Variants in CDHR1 observed in about 807,000 individuals in gnomAD.
The protein encoded by CDHR1 is cadherin-related family member 1.
CDHR1 carries 61 observed loss-of-function variants against 72.1 expected under a neutral mutation model. The observed-to-expected ratio is 0.85, with a 90% CI of 0.69 to 1.05. CDHR1 has a LOEUF of 1.05. CDHR1 is among the 50% of genes least tolerant of loss of function. The pLI is 0.00. For missense variants in CDHR1, 1,186 were observed against 1,115.7 expected, an observed-to-expected ratio of 1.06 and a Z score of -0.90; for synonymous variants, 470 against 448.1, an observed-to-expected ratio of 1.05 and a Z score of -0.62.
At chr10:84,198,906 G>GAGT in intron 4 of CDHR1, 126 bp from the exon 5 acceptor site, 1 of 464,146 alleles carries the variant, frequency 2.2e-6, no homozygotes, top group African/African-American at 2.4e-5. Context: ...AGAAGGAAGA[G>GAGT]AGAGAGAGAG....
In CDHR1 at chr10:84,217,285, G is replaced by A; in HGVS notation, c.*2664G>A. 1.0e-6 allele frequency: 1 copy of A among 985,508 alleles called. No homozygotes were observed. Among genetic ancestry groups the A allele is most frequent in the Non-Finnish European group, 1.2e-6 (1 of 829,960 alleles). The allele number at this position is 985,508 out of a possible 1,614,324, so 61.0% of individuals were successfully genotyped here. On this transcript the variant is annotated 3_prime_UTR_variant, in exon 17 of 17. Coordinates refer to ENST00000623527, the MANE Select transcript of CDHR1 (RefSeq NM_033100.4). ...AGGGAAAGAGCTGGGAGGCAGGAAT[G>A]GCACACTGGGCAGGCTTGCCCATTC... is the stretch of plus-strand genomic sequence containing the variant.
Position 84,214,518 on chromosome 10 carries a change from C to A in CDHR1, c.2477C>A (p.Pro826Gln). 6.2e-7 allele frequency: 1 copy of A among 1,604,210 alleles called. No individual in the cohort carries two copies. The highest frequency in any genetic ancestry group is 8.5e-7 in the Non-Finnish European group (1 of 1,179,664). ...CTCACTCCGCAGCCGACCCAACCCC[C>A]GCCAAAACCCAAAACTATGGGAAGC... ...GSLTPQPTQP[P>Q]PKPKTMGSPV... Residue 826 changes from proline to glutamine, a missense_variant, in exon 17 of 17, where the codon CCG becomes CAG. Physicochemically the swap from Pro to Gln is moderately conservative, Grantham distance 76. Transcript: ENST00000623527.
chr10:84,212,282 A>G lies in CDHR1; in HGVS notation c.1657A>G (p.Met553Val), dbSNP rs756761002. The change falls in exon 15 of 17, where the codon ATG becomes GTG. Residue 553 changes from methionine (M) to valine (V), a missense_variant. Transcript: ENST00000623527. ...RYNFYVKAED[M>V]EGKYSVAEVF... ...CAACTTCTATGTGAAGGCAGAGGAC[A>G]TGGAAGGCAAGTACAGCGTAGCTGA... The G allele has an allele frequency of 6.2e-6, 10 of 1,614,144 alleles. No homozygotes were observed. Among genetic ancestry groups the G allele is most frequent in the African/African-American group, 4.0e-5 (3 of 74,950 alleles).
At chr10:84,200,561 C>A in intron 5 of CDHR1, 40 bp from the exon 6 acceptor site, 1 of 1,434,462 alleles carries the variant, frequency 7.0e-7, no homozygotes, top group Non-Finnish European at 9.7e-7. Flanking sequence ...AGAATGCTGT[C>A]ACTGTCTCTG....
chr10:84,216,845 C>T lies in CDHR1; in HGVS notation c.*2224C>T. The T allele has an allele frequency of 3.0e-6, 3 of 985,508 alleles. No individual in the cohort carries two copies. The highest frequency in any genetic ancestry group is 3.6e-6 in the Non-Finnish European group (3 of 829,972). 61.0% of individuals were successfully genotyped at this position (985,508 alleles called of 1,614,324 possible). A position where few individuals can be genotyped will look rare whatever the true frequency, so the allele number is the denominator to read the frequency against. ...CCACTCTCCCACCCTACCAGTGCAG[C>T]CCGGCAAGGGCAGGAATTGGGAGGC... On this transcript the variant is annotated 3_prime_UTR_variant, in exon 17 of 17. Coordinates refer to ENST00000623527, the MANE Select transcript of CDHR1 (RefSeq NM_033100.4).
intron 1 of CDHR1, 131 bp from the exon 2 acceptor site, chr10:84,195,363 G>A: frequency 1.2e-6 from 1 of 834,828 alleles, no homozygotes; most frequent in South Asian, 1.4e-5. Context: ...CGGTGCACTT[G>A]GGTTGGGGAG....
At chr10:84,213,040 C>T (rs773118399) in intron 15 of CDHR1, 51 bp from the exon 16 acceptor site, 3 of 1,613,484 alleles carry the variant, frequency 1.9e-6, no homozygotes, top group South Asian at 1.1e-5. Context: ...AGCCAGAGTA[C>T]ACAAGGATTG....
In CDHR1 at chr10:84,215,058, T is replaced by G. The variant is rs1384528619; in HGVS notation, c.*437T>G. The G allele has an allele frequency of 2.8e-6, 3 of 1,068,144 alleles. No homozygotes were observed. The allele number at this position is 1,068,144 out of a possible 1,614,324, so 66.2% of individuals were successfully genotyped here. On this transcript the variant is annotated 3_prime_UTR_variant, in exon 17 of 17. Transcript: ENST00000623527. ...TGACTAGAATCTGGATCCTGACGCC[T>G]GCAGCTGAGAGCAGGAGCAGGAAAA...
In CDHR1 at chr10:84,214,841, T is replaced by C; in HGVS notation, c.*220T>C. 2.0e-6 allele frequency: 3 copies of C among 1,466,750 alleles called. No individual in the cohort carries two copies. Among genetic ancestry groups the C allele is most frequent in the Admixed American group, 5.2e-5 (2 of 38,336 alleles). 90.9% of individuals were successfully genotyped at this position (1,466,750 alleles called of 1,614,324 possible). ...GGGCCTTGGGCAAGACATTGGGCTC[T>C]AGGATGCAATTGGCAAATACGTCCC... On this transcript the variant is annotated 3_prime_UTR_variant, in exon 17 of 17. Coordinates refer to ENST00000623527, the MANE Select transcript of CDHR1 (RefSeq NM_033100.4).
chr10:84,214,404 T>C lies in CDHR1; in HGVS notation c.2363T>C (p.Leu788Pro). 4 of 1,613,672 alleles carry C rather than the reference T, an allele frequency of 2.5e-6. No individual in the cohort carries two copies. Among genetic ancestry groups the C allele is most frequent in the Non-Finnish European group, 3.4e-6 (4 of 1,179,960 alleles). The change falls in exon 17 of 17, where the codon CTC becomes CCC. Residue 788 changes from leucine to proline, a missense_variant. Leu to Pro is a moderately conservative substitution (Grantham distance 98). Coordinates refer to ENST00000623527, the MANE Select transcript of CDHR1 (RefSeq NM_033100.4). Reference sequence around the variant, plus strand: ...AACAACAGCCCAGAAAGCTCTCTGCTCCCGAGAGCTCCGGCTCTCCCTCCA... The same window carrying C: ...AACAACAGCCCAGAAAGCTCTCTGCCCCCGAGAGCTCCGGCTCTCCCTCCA... ...CNNNSPESSL[L>P]PRAPALPPPP... is the part of the protein sequence containing the mutation.
downstream of CDHR1, chr10:84,219,451 C>T (rs1042425689): frequency 2.6e-5 from 27 of 1,040,892 alleles, no homozygotes; most frequent in Non-Finnish European, 6.5e-6. Context: ...GTCTCATGTG[C>T]ACCACCAAGC....
At chr10:84,205,259 G>A (rs1842203794) in intron 9 of CDHR1, among the ~76,000 whole-genome samples, 1 of 152,058 alleles carries the variant, frequency 6.6e-6, no homozygotes, top group African/African-American at 2.4e-5. Flanking sequence ...ACATGCCTGT[G>A]CATACTCACT....
At chr10:84,202,190 A>T (rs74145722) in intron 7 of CDHR1, among the ~76,000 whole-genome samples, 1 of 152,014 alleles carries the variant, frequency 6.6e-6, no homozygotes, top group South Asian at 2.1e-4. Context: ...AGAGAATGGC[A>T]TCCCCCTCAG....
chr10:84,197,858 T>A, intron 4 of CDHR1, 22 bp downstream of exon 4: 1 of 1,611,026 alleles, frequency 6.2e-7, no homozygotes, highest in South Asian at 1.1e-5. Context: ...TCCAAGGCAG[T>A]CCCTGGCAGC....
At chr10:84,209,635 A>T (rs971843557) in intron 12 of CDHR1, among the ~76,000 whole-genome samples, 6 of 108,752 alleles carry the variant, frequency 5.5e-5, no homozygotes, top group African/African-American at 3.1e-4. Context: ...TCTGAGAGAA[A>T]AGACAAAAAA....
At chr10:84,203,157 C>G (rs781647327) in intron 8 of CDHR1, 34 bp downstream of exon 8, 8 of 1,613,556 alleles carry the variant, frequency 5.0e-6, no homozygotes, top group Admixed American at 1.7e-5. Context: ...AGCGATCCCT[C>G]CAAATGCCTC....
chr10:84,199,472 T>C (rs1220228988), intron 5 of CDHR1, among the ~76,000 whole-genome samples: 2 of 152,214 alleles, frequency 1.3e-5, no homozygotes, highest in Non-Finnish European at 2.9e-5. Context: ...TTTGGCATAG[T>C]TGTGATTATA....
chr10:84,195,611 T>G (rs1382566891), intron 2 of CDHR1, 22 bp downstream of exon 2: 1 of 1,587,430 alleles, frequency 6.3e-7, no homozygotes, highest in Non-Finnish European at 8.6e-7. Context: ...TGGCACCTGC[T>G]CCCGATAGGT....
Position 84,201,857 on chromosome 10 carries a change from C to T in CDHR1, c.576C>T (p.Leu192=), listed in dbSNP as rs1424520167. 6.2e-7 allele frequency: 1 copy of T among 1,609,918 alleles called. No homozygotes were observed. The highest frequency in any genetic ancestry group is 1.6e-4 in the Middle Eastern group (1 of 6,062). Residue 192 remains leucine, a synonymous_variant, in exon 7 of 17, where the codon CTC becomes CTT. Transcript: ENST00000623527. ...ACCGCCACAGCGGTGTGCTGCGCCTCCAGGCTGGGGCCACTCTGGACTACG... is the reference window on the plus strand; with the variant it reads ...ACCGCCACAGCGGTGTGCTGCGCCTTCAGGCTGGGGCCACTCTGGACTACG... ...AVDRHSGVLR[L]QAGATLDYER...
Sources: allele counts gnomAD v4.1 joint callset (sites outside exome capture counted in the v4.1 genomes callset), GRCh38; gene constraint gnomAD v4.1.1; transcripts MANE v1.5; gene names NCBI Gene and HGNC (gene_info 2026-07-23, HGNC 2026-07-21).